VWA8: variants seen among roughly 807,000 people sequenced by gnomAD.
VWA8 encodes the protein von Willebrand factor A domain containing 8.
Under a neutral mutation model 241.5 loss-of-function variants are expected in VWA8, and 221 were observed. That is an observed-to-expected ratio of 0.91 (90% confidence interval 0.82 to 1.02). The LOEUF (loss-of-function observed/expected upper bound fraction) is 1.02. Among genes scored for constraint, VWA8 ranks in the 50% least tolerant of loss-of-function variants. The probability of loss-of-function intolerance (pLI) is 0.00; values close to 1 mark genes in which losing one functional copy is unlikely to be tolerated. For missense variants in VWA8, 2,322 were observed against 2,328.7 expected (o/e 1.00, Z 0.06); for synonymous variants, 852 against 827.1 (o/e 1.03, Z -0.52).
chr13:41,809,340 T>C (rs1213284835), intron 17 of VWA8, among the ~76,000 whole-genome samples: 2 of 152,096 alleles, frequency 1.3e-5, no homozygotes, highest in East Asian at 1.9e-4. Context: ...ACCAATCATA[T>C]TACCTGACTT....
Position 41,887,209 on chromosome 13 carries a change from A to G in VWA8, c.804T>C (p.Tyr268=). 1 of 1,612,248 alleles carries G rather than the reference A, an allele frequency of 6.2e-7. No homozygotes were observed. Among genetic ancestry groups the G allele is most frequent in the Non-Finnish European group, 8.5e-7 (1 of 1,179,560 alleles). The part of the protein sequence containing the change: ...RSRFQARDIY[Y]LPFKDQLKLL... ...TGGTCTTACTTACCTTGAAGGGTAA[A>G]TAATAAATATCCCTGGCTTGAAATC... The change falls in exon 6 of 45, where the codon TAT becomes TAC. Residue 268 remains tyrosine (Y), a synonymous_variant. Transcript: ENST00000379310.
intron 12 of VWA8, among the ~76,000 whole-genome samples, chr13:41,859,802 G>A (rs1872926581): frequency 6.6e-6 from 1 of 152,100 alleles, no homozygotes; most frequent in Non-Finnish European, 1.5e-5. Flanking sequence ...CATATGAAAT[G>A]CAGTCCTAAA....
At chr13:41,700,270 T>C (rs1373642254) in intron 28 of VWA8, among the ~76,000 whole-genome samples, 1 of 151,934 alleles carries the variant, frequency 6.6e-6, no homozygotes, top group East Asian at 1.9e-4. Flanking sequence ...ATGCATCATA[T>C]CTATTTATTA....
Position 41,953,072 on chromosome 13 carries a change from TA to T in VWA8, c.164-3060del, listed in dbSNP as rs1481288645. ...AACATGAAGCAAAAACGGACAGAAC[TA>T]AAAGTGGAAATAGAAAAATGCACAA... On this transcript the variant is annotated intron_variant, in intron 1 of 44. Transcript: ENST00000379310. Among the ~76,000 whole-genome samples, 15 of 152,078 alleles carry T rather than the reference TA, an allele frequency of 9.9e-5. No individual in the cohort carries two copies. The South Asian group carries it at 1.0e-3, about 10-fold the overall frequency.
At chr13:41,640,759 T>G (rs2044790460) in intron 37 of VWA8, among the ~76,000 whole-genome samples, 1 of 152,206 alleles carries the variant, frequency 6.6e-6, no homozygotes, top group Admixed American at 6.5e-5. Context: ...GTCTGAAATT[T>G]TTTACAGATT....
At chr13:41,773,610 G>A (rs1224615678) in intron 20 of VWA8, among the ~76,000 whole-genome samples, 1 of 152,172 alleles carries the variant, frequency 6.6e-6, no homozygotes, top group African/African-American at 2.4e-5. Context: ...AACAGAAGCA[G>A]CTAAGAGTCT....
Position 41,575,847 on chromosome 13 carries a change from A to G in VWA8, c.5272-9T>C. ...TGTCCAACGATGTCATACTACATGC[A>G]AGAGAACCAGAAAGTTATAAACTTT... On this transcript the variant is annotated splice_polypyrimidine_tract_variant and intron_variant, in intron 42 of 44. Coordinates refer to ENST00000379310, the MANE Select transcript of VWA8 (RefSeq NM_015058.2). 1 of 1,596,364 alleles carries G rather than the reference A, an allele frequency of 6.3e-7. No homozygotes were observed. Among genetic ancestry groups the G allele is most frequent in the South Asian group, 1.1e-5 (1 of 88,690 alleles).
At chr13:41,881,703 G>C (rs962197824) in intron 9 of VWA8, among the ~76,000 whole-genome samples, 2 of 147,616 alleles carry the variant, frequency 1.4e-5, no homozygotes, top group Non-Finnish European at 3.0e-5. Context: ...TCACCTCCCG[G>C]ACGGGGCGGC....
intron 40 of VWA8, among the ~76,000 whole-genome samples, chr13:41,594,944 A>G (rs952846413): frequency 1.3e-5 from 2 of 152,194 alleles, no homozygotes; most frequent in African/African-American, 4.8e-5. Flanking sequence ...TTGGGAAGAC[A>G]AATTCCTAGA....
At chr13:41,900,589 G>A (rs1209441577) in intron 4 of VWA8, among the ~76,000 whole-genome samples, 1 of 151,990 alleles carries the variant, frequency 6.6e-6, no homozygotes, top group Non-Finnish European at 1.5e-5. Flanking sequence ...TAAGACCTTA[G>A]GCAAACAATT....
At chr13:41,718,901 T>C (rs2045364078) in intron 26 of VWA8, among the ~76,000 whole-genome samples, 1 of 151,934 alleles carries the variant, frequency 6.6e-6, no homozygotes, top group Non-Finnish European at 1.5e-5. Flanking sequence ...AAAGATGGTA[T>C]TAGATGCATT....
At chr13:41,669,941 A>G (rs1420236072) in intron 37 of VWA8, among the ~76,000 whole-genome samples, 1 of 152,122 alleles carries the variant, frequency 6.6e-6, no homozygotes, top group African/African-American at 2.4e-5. Context: ...ATATATTTAT[A>G]CCCCTTCAAA....
chr13:41,841,821 ATATATATATATATATATATATATAT>A (rs1460987698), intron 12 of VWA8, among the ~76,000 whole-genome samples: 1 of 7,998 alleles, frequency 1.3e-4, no homozygotes, highest in African/African-American at 3.7e-4. Context: ...AAAAAAAAAA[ATATATATATATATATATATATATAT>A]ATATATATAT....
At chr13:41,603,701 G>T (rs1422717928) in intron 40 of VWA8, among the ~76,000 whole-genome samples, 5 of 151,858 alleles carry the variant, frequency 3.3e-5, no homozygotes, top group African/African-American at 1.2e-4. Flanking sequence ...CTCCCACCAG[G>T]GTGTGCTTTT....
At chr13:41,949,706 T>C (rs1319679554) in intron 2 of VWA8, among the ~76,000 whole-genome samples, 1 of 151,982 alleles carries the variant, frequency 6.6e-6, no homozygotes, top group African/African-American at 2.4e-5. Context: ...GAAAAATAAA[T>C]GTTTCTACTG....
intron 1 of VWA8, among the ~76,000 whole-genome samples, chr13:41,958,951 G>A (rs1439740685): frequency 6.6e-6 from 1 of 152,116 alleles, no homozygotes; most frequent in Non-Finnish European, 1.5e-5. Flanking sequence ...ACACCCACAT[G>A]TGTTTTTACA....
chr13:41,927,256 G>A, intron 2 of VWA8: 3 of 499,754 alleles, frequency 6.0e-6, no homozygotes, highest in Non-Finnish European at 8.2e-6. Context: ...CAACATCAAG[G>A]AAGTACTTCT....
intron 12 of VWA8, among the ~76,000 whole-genome samples, chr13:41,837,828 T>C (rs1871810916): frequency 6.6e-6 from 1 of 152,208 alleles, no homozygotes; most frequent in African/African-American, 2.4e-5. Flanking sequence ...TTTCTTATCC[T>C]GAAACTCTTG....
intron 28 of VWA8, 58 bp downstream of exon 28, chr13:41,701,334 T>C: frequency 6.7e-7 from 1 of 1,489,038 alleles, no homozygotes; most frequent in African/African-American, 1.4e-5. Flanking sequence ...ATTATTTTAA[T>C]CCATCTTTTA....
Sources: allele counts gnomAD v4.1 joint callset (sites outside exome capture counted in the v4.1 genomes callset), GRCh38; gene constraint gnomAD v4.1.1; transcripts MANE v1.5; gene names NCBI Gene and HGNC (gene_info 2026-07-23, HGNC 2026-07-21).